CHD9: variants seen among roughly 807,000 people sequenced by gnomAD.
CHD9 encodes chromodomain helicase DNA binding protein 9, also known as ATP-dependent chromatin remodeler CHD9.
CHD9 carries 77 observed loss-of-function variants against 316.1 expected under a neutral mutation model. The observed-to-expected ratio is 0.24, with a 90% CI of 0.20 to 0.29. The LOEUF (loss-of-function observed/expected upper bound fraction) is 0.29, where lower values mean the gene tolerates loss of function less well. CHD9 is among the 10% of genes least tolerant of loss of function. The probability of loss-of-function intolerance (pLI) is 1.00; values close to 1 mark genes in which losing one functional copy is unlikely to be tolerated. For missense variants in CHD9, 2,763 were observed against 3,438.1 expected, an observed-to-expected ratio of 0.80 and a Z score of 4.91; for synonymous variants, 1,129 against 1,158.3, an observed-to-expected ratio of 0.97 and a Z score of 0.51.
chr16:53,286,243 A>G lies in CHD9; in HGVS notation c.5089A>G (p.Thr1697Ala), dbSNP rs756627692. 4.4e-6 allele frequency: 7 copies of G among 1,607,580 alleles called. No homozygotes were observed. The highest frequency in any genetic ancestry group is 2.7e-5 in the African/African-American group (2 of 74,760). Reference sequence around the variant, plus strand: ...GTTTTCAGGATATGAAAAATATAACACTATTCGAGCAGACCCAGCATTATG... The same window carrying G: ...GTTTTCAGGATATGAAAAATATAACGCTATTCGAGCAGACCCAGCATTATG... ...VFKHGYEKYN[T>A]IRADPALCFL... Residue 1697 changes from threonine to alanine, a missense_variant, in exon 26 of 39, where the codon ACT becomes GCT. Transcript: ENST00000447540.
intron 2 of CHD9, among the ~76,000 whole-genome samples, chr16:53,179,040 A>G (rs1379674192): frequency 6.6e-6 from 1 of 152,176 alleles, no homozygotes; most frequent in Non-Finnish European, 1.5e-5. Flanking sequence ...AAAATTAAAA[A>G]CGAAATTGTC....
chr16:53,188,126 A>C (rs577375318), intron 2 of CHD9, among the ~76,000 whole-genome samples: 111 of 152,348 alleles, frequency 7.3e-4, no homozygotes, highest in African/African-American at 2.6e-3. Flanking sequence ...GCTTCTTAGC[A>C]TAATATTTTC....
In CHD9 at chr16:53,088,275, C is replaced by CTTTTTTTTTTTTTTTTTTTTTTTT. The variant is rs35052198; in HGVS notation, c.-165+33201_-165+33202insTTTTTTTTTTTTTTTTTTTTTTTT. On this transcript the variant is annotated intron_variant, in intron 1 of 38. Transcript: ENST00000447540. The stretch of plus-strand genomic sequence containing the variant: ...CTGTAATCAAGGAAAATGACATGCA[C>CTTTTTTTTTTTTTTTTTTTTTTTT]TTTGTTTTTTTTTTTTTTTTGAGAT... Among the ~76,000 whole-genome samples, 4 of 127,050 alleles carry CTTTTTTTTTTTTTTTTTTTTTTTT rather than the reference C, an allele frequency of 3.1e-5. 1 individual carries two copies. Among genetic ancestry groups the CTTTTTTTTTTTTTTTTTTTTTTTT allele is most frequent in the African/African-American group, 3.0e-5 (1 of 33,406 alleles). The allele number at this position is 127,050 out of a possible 152,430, so 83.3% of individuals were successfully genotyped here.
chr16:53,235,439 G>A (rs2048540728), intron 11 of CHD9, 133 bp downstream of exon 11: 3 of 620,188 alleles, frequency 4.8e-6, no homozygotes, highest in South Asian at 3.2e-5. Flanking sequence ...GGTTACCTCA[G>A]GAACATATGT....
chr16:53,101,923 A>C (rs767145958), intron 1 of CHD9, among the ~76,000 whole-genome samples: 5 of 152,194 alleles, frequency 3.3e-5, no homozygotes, highest in Non-Finnish European at 5.9e-5. Flanking sequence ...TGAAATTTGT[A>C]GAGAGATCAT....
chr16:53,204,872 T>C (rs2045774644), intron 2 of CHD9, among the ~76,000 whole-genome samples: 1 of 152,084 alleles, frequency 6.6e-6, no homozygotes, highest in Non-Finnish European at 1.5e-5. Flanking sequence ...GAGACAGAGT[T>C]TCGCTCTGTT....
chr16:53,162,191 A>G (rs536033059), intron 2 of CHD9, among the ~76,000 whole-genome samples: 1 of 152,332 alleles, frequency 6.6e-6, no homozygotes, highest in African/African-American at 2.4e-5. Flanking sequence ...TACTGCTTAG[A>G]AAAGAGAGAG....
At chr16:53,300,858 C>T (rs952883714) in intron 30 of CHD9, among the ~76,000 whole-genome samples, 1 of 152,170 alleles carries the variant, frequency 6.6e-6, no homozygotes, top group Non-Finnish European at 1.5e-5. Context: ...GTAATCCCCA[C>T]ATTTTGGTAG....
At chr16:53,258,697 A>T (rs572978567) in intron 19 of CHD9, among the ~76,000 whole-genome samples, 197 of 152,260 alleles carry the variant, frequency 1.3e-3, no homozygotes, top group African/African-American at 4.3e-3. Context: ...TCCTTATGAG[A>T]CTATTCAGAC....
At chr16:53,124,351 A>G (rs2038876716) in intron 1 of CHD9, among the ~76,000 whole-genome samples, 1 of 152,118 alleles carries the variant, frequency 6.6e-6, no homozygotes, top group African/African-American at 2.4e-5. Context: ...AGGCCTCACA[A>G]TCATGGCAGA....
intron 8 of CHD9, among the ~76,000 whole-genome samples, chr16:53,230,480 A>G (rs2048074396): frequency 6.6e-6 from 1 of 152,102 alleles, no homozygotes. Flanking sequence ...AGATGATTCT[A>G]ATGACCTGTT....
intron 2 of CHD9, chr16:53,208,631 A>G (rs575475564): frequency 2.0e-6 from 2 of 994,194 alleles, no homozygotes; most frequent in East Asian, 2.2e-4. Flanking sequence ...CCAGTGAAGC[A>G]CACTGGAATC....
chr16:53,247,620 G>GGTA (rs2049747571), intron 16 of CHD9, 117 bp downstream of exon 16: 1 of 717,410 alleles, frequency 1.4e-6, no homozygotes, highest in African/African-American at 1.8e-5. Flanking sequence ...TTAGAATAAT[G>GGTA]CATTCAAATT....
intron 2 of CHD9, among the ~76,000 whole-genome samples, chr16:53,167,286 A>G (rs922826509): frequency 2.0e-5 from 3 of 152,194 alleles, no homozygotes; most frequent in South Asian, 4.1e-4. Context: ...ATACATGTGA[A>G]TGAATTTTAA....
At chr16:53,104,558 T>C (rs1030946696) in intron 1 of CHD9, among the ~76,000 whole-genome samples, 5 of 152,124 alleles carry the variant, frequency 3.3e-5, no homozygotes, top group Non-Finnish European at 5.9e-5. Flanking sequence ...TGCCTGTAAT[T>C]CCAGCACTTT....
chr16:53,316,594 T>C (rs2056900925), intron 36 of CHD9, among the ~76,000 whole-genome samples: 1 of 152,236 alleles, frequency 6.6e-6, no homozygotes, highest in African/African-American at 2.4e-5. Context: ...GATTATAAGA[T>C]GTAATTTGTC....
rs746551163 is a variant in CHD9 at position 53,292,945 on chromosome 16, T to A, written c.5403T>A (p.Ile1801=). Reference sequence around the variant, plus strand: ...AGCGTACTAATAAAAACAGACAAATTCAGCAGATACAACCGACTTTCTCGG... The same window carrying A: ...AGCGTACTAATAAAAACAGACAAATACAGCAGATACAACCGACTTTCTCGG... ...AYQRTNKNRQ[I]QQIQPTFSVP... is the part of the protein sequence containing the mutation. The change falls in exon 29 of 39, where the codon ATT becomes ATA. Residue 1801 remains isoleucine (I), a synonymous_variant. Coordinates refer to ENST00000447540, the MANE Select transcript of CHD9 (RefSeq NM_001308319.2). 3 of 1,613,666 alleles carry A rather than the reference T, an allele frequency of 1.9e-6. No individual in the cohort carries two copies. The highest frequency in any genetic ancestry group is 2.5e-6 in the Non-Finnish European group (3 of 1,179,788).
intron 27 of CHD9, among the ~76,000 whole-genome samples, chr16:53,290,948 A>T (rs1009491785): frequency 6.6e-6 from 1 of 152,220 alleles, no homozygotes; most frequent in Non-Finnish European, 1.5e-5. Context: ...AGACAATAAG[A>T]AAGAAGCACT....
rs138456809 is a variant in CHD9 at position 53,260,465 on chromosome 16, T to A, written c.4210-2522T>A. Among the ~76,000 whole-genome samples, 8 of 152,174 alleles carry A rather than the reference T, an allele frequency of 5.3e-5. No individual in the cohort carries two copies. The East Asian group carries it at 1.2e-3, about 22-fold the overall frequency. On this transcript the variant is annotated intron_variant, in intron 19 of 38. Coordinates refer to ENST00000447540, the MANE Select transcript of CHD9 (RefSeq NM_001308319.2). ...CTGTACTCCAGTCTGGGCAACAGAG[T>A]GAGACCTTTTCTCAAAAAAAAAAAG...
Sources: allele counts gnomAD v4.1 joint callset (sites outside exome capture counted in the v4.1 genomes callset), GRCh38; gene constraint gnomAD v4.1.1; transcripts MANE v1.5; gene names NCBI Gene and HGNC (gene_info 2026-07-23, HGNC 2026-07-21).